ANLN: variants seen among roughly 807,000 people sequenced by gnomAD.
The protein encoded by ANLN is anillin, actin binding protein.
A neutral mutation model predicts 135.1 loss-of-function variants in ANLN; 59 were observed. The observed-to-expected ratio is 0.44, with a 90% confidence interval of 0.35 to 0.54. ANLN has a LOEUF of 0.54. Ranked by LOEUF, ANLN falls within the 20% of genes least tolerant of loss-of-function variation. The probability of loss-of-function intolerance (pLI) is 0.00; values close to 1 mark genes in which losing one functional copy is unlikely to be tolerated. For synonymous variants in ANLN, 406 were observed against 456.4 expected (o/e 0.89, Z 1.41); for missense variants, 1,182 against 1,340.0 (o/e 0.88, Z 1.84).
At chr7:36,410,020 T>C (rs1271763804) in intron 5 of ANLN, among the ~76,000 whole-genome samples, 3 of 152,140 alleles carry the variant, frequency 2.0e-5, no homozygotes, top group African/African-American at 7.2e-5. Context: ...TTTGATAAAA[T>C]GAATAATTCC....
At chr7:36,435,163 G>A (rs1306742609) in intron 20 of ANLN, among the ~76,000 whole-genome samples, 1 of 152,088 alleles carries the variant, frequency 6.6e-6, no homozygotes, top group Non-Finnish European at 1.5e-5. Flanking sequence ...GACACCTTAA[G>A]TGTAGCATTC....
At chr7:36,447,278 A>G (rs1269160409) in intron 22 of ANLN, among the ~76,000 whole-genome samples, 5 of 152,038 alleles carry the variant, frequency 3.3e-5, no homozygotes, top group Non-Finnish European at 7.4e-5. Flanking sequence ...TCTCCTTATT[A>G]AGTTGAAGAC....
intron 2 of ANLN, among the ~76,000 whole-genome samples, chr7:36,396,889 G>A (rs1786723756): frequency 6.6e-6 from 1 of 152,042 alleles, no homozygotes; most frequent in Non-Finnish European, 1.5e-5. Context: ...ACTCTCTAAA[G>A]TTTAGGTTGT....
Position 36,406,351 on chromosome 7 carries a change from T to C in ANLN, c.658T>C (p.Phe220Leu), listed in dbSNP as rs141184036. The C allele has an allele frequency of 5.0e-5, 81 of 1,614,074 alleles. 1 individual carries two copies. The Middle Eastern group carries it at 6.6e-4, about 13-fold the overall frequency. The stretch of plus-strand genomic sequence containing the variant: ...CTGGGAAGATGATGTAAATCACTCA[T>C]TTGCAAAACAAAACAGTGTACAAGA... ...CSWEDDVNHS[F>L]AKQNSVQEQP... The change falls in exon 4 of 24, where the codon TTT becomes CTT. Residue 220 changes from phenylalanine (F) to leucine (L), a missense_variant. Coordinates refer to ENST00000265748, the MANE Select transcript of ANLN (RefSeq NM_018685.5).
chr7:36,404,513 A>G (rs759889157), intron 3 of ANLN, among the ~76,000 whole-genome samples: 1 of 152,240 alleles, frequency 6.6e-6, no homozygotes, highest in African/African-American at 2.4e-5. Context: ...GTACGACAGC[A>G]AAACTCCATG....
intron 17 of ANLN, among the ~76,000 whole-genome samples, chr7:36,425,219 G>A (rs1448944685): frequency 6.6e-6 from 1 of 150,904 alleles, no homozygotes; most frequent in Non-Finnish European, 1.5e-5. Context: ...AGGGACTCAA[G>A]TGTAATGTTT....
At chr7:36,409,282 A>T (rs758001959) in intron 5 of ANLN, among the ~76,000 whole-genome samples, 1 of 152,234 alleles carries the variant, frequency 6.6e-6, no homozygotes, top group Non-Finnish European at 1.5e-5. Flanking sequence ...CTAGTTTGGA[A>T]TATGGCCTGA....
In ANLN at chr7:36,422,693, G is replaced by C; in HGVS notation, c.2360G>C (p.Arg787Thr). 6.2e-7 allele frequency: 1 copy of C among 1,612,702 alleles called. No homozygotes were observed. Among genetic ancestry groups the C allele is most frequent in the South Asian group, 1.1e-5 (1 of 90,768 alleles). Residue 787 changes from arginine to threonine, a missense_variant, in exon 14 of 24, where the codon AGG (arginine) becomes ACG (threonine). By Grantham distance (71) the Arg-to-Thr change is moderately conservative. Transcript: ENST00000265748. ...LNKLKNEGPQ[R>T]KNKASPQSEF... ...AAATTGAAGAACGAAGGACCTCAGA[G>C]GAAGAATAAGGCTAGTCCCCAAAGT...
At chr7:36,390,240 G>T in intron 1 of ANLN, 196 bp downstream of exon 1, 1 of 824,650 alleles carries the variant, frequency 1.2e-6, no homozygotes, top group Non-Finnish European at 1.9e-6. Flanking sequence ...TTGTTGTTTC[G>T]GTCCTACAGA....
At chr7:36,401,342 T>C (rs938950339) in intron 3 of ANLN, among the ~76,000 whole-genome samples, 1 of 152,174 alleles carries the variant, frequency 6.6e-6, no homozygotes, top group Non-Finnish European at 1.5e-5. Context: ...ATGATTTTTT[T>C]GTTTTTGTTT....
Position 36,424,078 on chromosome 7 carries a change from A to G in ANLN, c.2603+135A>G, listed in dbSNP as rs188297461. On this transcript the variant is annotated intron_variant, in intron 15 of 23. Transcript: ENST00000265748. The stretch of plus-strand genomic sequence containing the variant: ...TTCTTTTTATATTGACAAATAACCC[A>G]TCTTTCAATTTGTTGCTTTAACTCA... 23 of 935,906 alleles carry G rather than the reference A, an allele frequency of 2.5e-5. No individual in the cohort carries two copies. The Admixed American group carries it at 6.4e-4, about 26-fold the overall frequency. The allele number at this position is 935,906 out of a possible 1,614,324, so 58.0% of individuals were successfully genotyped here. A position where few individuals can be genotyped will look rare whatever the true frequency, so the allele number is the denominator to read the frequency against.
rs144921164 is a variant in ANLN, at chr7:36,443,990, A to G, written c.3078+128A>G. The stretch of plus-strand genomic sequence containing the variant: ...ACCCTTTTTGTGTACTCACTAAGCC[A>G]TTAAAAATGTTCTTGTTGGCCAGGC... On this transcript the variant is annotated intron_variant, in intron 22 of 23. Transcript: ENST00000265748. 1.9e-3 allele frequency: 1,174 copies of G among 609,948 alleles called. 4 individuals carry two copies. Among genetic ancestry groups the G allele is most frequent in the Non-Finnish European group, 2.8e-3 (1,044 of 368,944 alleles). 37.8% of individuals were successfully genotyped at this position (609,948 alleles called of 1,614,324 possible).
At chr7:36,393,382 C>T (rs79419767) in intron 1 of ANLN, among the ~76,000 whole-genome samples, 3,128 of 152,316 alleles carry the variant, frequency 0.021, 51 homozygotes, top group Middle Eastern at 0.051. Flanking sequence ...GGCTGGGAAA[C>T]ATATTTAATA....
intron 22 of ANLN, 113 bp from the exon 23 acceptor site, chr7:36,449,552 C>A: frequency 3.7e-6 from 3 of 806,988 alleles, no homozygotes; most frequent in Non-Finnish European, 5.5e-6. Flanking sequence ...TAAATTTTAA[C>A]TTTTAAATAA....
In ANLN at chr7:36,406,384, G is replaced by C; in HGVS notation, c.691G>C (p.Gly231Arg). The change falls in exon 4 of 24, where the codon GGT (glycine) becomes CGT (arginine). Residue 231 changes from glycine to arginine, a missense_variant. By Grantham distance (125) the Gly-to-Arg change is moderately radical. This residue lies in a region of ANLN where 1,022 missense variants were observed against 1,134.0 expected (regional missense o/e 0.90). Transcript: ENST00000265748. The stretch of plus-strand genomic sequence containing the variant: ...ACAAAACAGTGTACAAGAACAGCCT[G>C]GTACCGCTTGTTTATCCAAATTTTC... ...AKQNSVQEQPGTACLSKFSSA... is the reference protein window; with the variant it reads ...AKQNSVQEQPRTACLSKFSSA... 1.2e-6 allele frequency: 2 copies of C among 1,613,716 alleles called. No homozygotes were observed. Among genetic ancestry groups the C allele is most frequent in the Non-Finnish European group, 1.7e-6 (2 of 1,179,648 alleles).
chr7:36,440,875 A>C (rs539605856), intron 21 of ANLN, among the ~76,000 whole-genome samples: 14 of 152,348 alleles, frequency 9.2e-5, no homozygotes, highest in African/African-American at 3.4e-4. Flanking sequence ...GTTCTCTGTG[A>C]AGCAAGAACT....
intron 20 of ANLN, among the ~76,000 whole-genome samples, chr7:36,435,735 T>C (rs1220521439): frequency 6.7e-6 from 1 of 150,176 alleles, no homozygotes; most frequent in Non-Finnish European, 1.5e-5. Context: ...TAGCCGGGCG[T>C]GGTAGCGGGC....
intron 1 of ANLN, among the ~76,000 whole-genome samples, chr7:36,391,948 T>A (rs1786489073): frequency 2.6e-5 from 4 of 151,650 alleles, no homozygotes; most frequent in African/African-American, 9.7e-5. Flanking sequence ...TGGCACTCTT[T>A]TTTTTTTTAA....
rs1787818018 is a variant in ANLN at position 36,420,240 on chromosome 7, A to T, written c.1941A>T (p.Lys647Asn). The change falls in exon 11 of 24, where the codon AAA becomes AAT. Residue 647 changes from lysine to asparagine, a missense_variant. By Grantham distance (94) the Lys-to-Asn change is moderately conservative. This residue lies in a region of ANLN where 1,022 missense variants were observed against 1,134.0 expected (regional missense o/e 0.90). Transcript: ENST00000265748. The stretch of plus-strand genomic sequence containing the variant: ...GTGATGAAAGTCCAAAACCAGGAAA[A>T]TTCCAAAGAACTCGTGTCCCTCGAG... Reference protein sequence around the residue: ...SRSDESPKPGKFQRTRVPRAE... With the variant: ...SRSDESPKPGNFQRTRVPRAE... The T allele has an allele frequency of 6.2e-7, 1 of 1,613,972 alleles. No individual in the cohort carries two copies.
Sources: allele counts gnomAD v4.1 joint callset (sites outside exome capture counted in the v4.1 genomes callset), GRCh38; gene constraint gnomAD v4.1.1; regional missense constraint gnomAD v4.1.1; transcripts MANE v1.5; gene names NCBI Gene and HGNC (gene_info 2026-07-23, HGNC 2026-07-21).